Variants in DPP10 observed in about 807,000 individuals in gnomAD.
The protein encoded by DPP10 is dipeptidyl peptidase like 10, also known as inactive dipeptidyl peptidase 10.
In DPP10, 33 loss-of-function variants were observed where a neutral mutation model predicts 120.9. The ratio of observed to expected loss-of-function variants is 0.27; its 90% confidence interval spans 0.21 to 0.37. The LOEUF (loss-of-function observed/expected upper bound fraction) is 0.37. DPP10 is among the 10% of genes least tolerant of loss of function. The pLI is 1.00. For missense variants in DPP10, 816 were observed against 942.8 expected (o/e 0.87, Z 1.76); for synonymous variants, 337 against 326.1 (o/e 1.03, Z -0.36).
At chr2:115,340,526 T>C (rs1289929975) in intron 2 of DPP10, among the ~76,000 whole-genome samples, 3 of 151,954 alleles carry the variant, frequency 2.0e-5, no homozygotes, top group Non-Finnish European at 4.4e-5. Flanking sequence ...AAAATTTCTA[T>C]TTGAGTTGTA....
chr2:115,147,637 G>A (rs2051298509), intron 1 of DPP10, among the ~76,000 whole-genome samples: 1 of 152,114 alleles, frequency 6.6e-6, no homozygotes, highest in Non-Finnish European at 1.5e-5. Flanking sequence ...CAGAGTGGTA[G>A]AGTGGAAAGC....
intron 5 of DPP10, among the ~76,000 whole-genome samples, chr2:115,676,123 T>A (rs1375831456): frequency 6.6e-6 from 1 of 152,132 alleles, no homozygotes; most frequent in Non-Finnish European, 1.5e-5. Context: ...GCAATTACAT[T>A]TACTCCAGCA....
intron 1 of DPP10, among the ~76,000 whole-genome samples, chr2:114,581,411 C>T (rs1690515669): frequency 1.3e-5 from 2 of 151,940 alleles, no homozygotes; most frequent in Admixed American, 1.3e-4. Context: ...TCTCGACCTC[C>T]TGACCTGGTG....
At chr2:114,722,055 T>A (rs1041107396) in intron 1 of DPP10, among the ~76,000 whole-genome samples, 1 of 152,140 alleles carries the variant, frequency 6.6e-6, no homozygotes, top group African/African-American at 2.4e-5. Context: ...AATGCCAGTT[T>A]TTTCATTTAT....
chr2:115,666,438 A>G (rs991878052), intron 5 of DPP10, among the ~76,000 whole-genome samples: 2 of 151,930 alleles, frequency 1.3e-5, no homozygotes, highest in Admixed American at 1.3e-4. Context: ...GAAGAAAACC[A>G]CCCCCATGAT....
At chr2:115,258,068 A>G (rs1371596262) in intron 1 of DPP10, among the ~76,000 whole-genome samples, 1 of 152,224 alleles carries the variant, frequency 6.6e-6, no homozygotes, top group Non-Finnish European at 1.5e-5. Context: ...TTAAAACGTG[A>G]AAATATTTCT....
chr2:115,202,525 C>T (rs1482536067), intron 1 of DPP10, among the ~76,000 whole-genome samples: 1 of 152,158 alleles, frequency 6.6e-6, no homozygotes, highest in Non-Finnish European at 1.5e-5. Context: ...CTTGCCTCTA[C>T]TTTTCGAGGA....
At chr2:115,696,575 G>A (rs2091600920) in intron 7 of DPP10, among the ~76,000 whole-genome samples, 1 of 152,160 alleles carries the variant, frequency 6.6e-6, no homozygotes, top group Non-Finnish European at 1.5e-5. Flanking sequence ...ATTGACAAGA[G>A]TTACCACTAG....
intron 1 of DPP10, among the ~76,000 whole-genome samples, chr2:114,472,564 T>C (rs1210762921): frequency 6.6e-6 from 1 of 152,158 alleles, no homozygotes; most frequent in Non-Finnish European, 1.5e-5. Context: ...CCCAGAACTG[T>C]TCTCACCTTC....
intron 1 of DPP10, among the ~76,000 whole-genome samples, chr2:115,279,655 C>CTT (rs70941039): frequency 0.069 from 2,941 of 42,694 alleles, 931 homozygotes; most frequent in African/African-American, 0.11. Flanking sequence ...TTTTCTTCTT[C>CTT]TTTTTTTTTT....
chr2:114,981,368 G>A (rs1273524875), intron 1 of DPP10, among the ~76,000 whole-genome samples: 3 of 151,876 alleles, frequency 2.0e-5, no homozygotes, highest in African/African-American at 7.3e-5. Flanking sequence ...TGTGAAAAAT[G>A]TATCTTTTAC....
intron 1 of DPP10, among the ~76,000 whole-genome samples, chr2:114,884,548 C>A (rs560422229): frequency 6.6e-6 from 1 of 152,146 alleles, no homozygotes; most frequent in African/African-American, 2.4e-5. Context: ...CTGTCTCCCC[C>A]TTCCACGTTT....
intron 1 of DPP10, among the ~76,000 whole-genome samples, chr2:115,109,482 G>C (rs2049107177): frequency 6.6e-6 from 1 of 151,874 alleles, no homozygotes; most frequent in South Asian, 2.1e-4. Flanking sequence ...GTTGCAGTGA[G>C]CTGAGATTGC....
At chr2:115,823,992 G>A (rs144243278) in intron 21 of DPP10, among the ~76,000 whole-genome samples, 1 of 152,160 alleles carries the variant, frequency 6.6e-6, no homozygotes, top group African/African-American at 2.4e-5. Flanking sequence ...TGAATTTCCA[G>A]GTTCTGCTTT....
Position 115,814,997 on chromosome 2 carries a change from T to G in DPP10, c.1895+10T>G. 1 of 1,576,654 alleles carries G rather than the reference T, an allele frequency of 6.3e-7. No individual in the cohort carries two copies. The highest frequency in any genetic ancestry group is 8.7e-7 in the Non-Finnish European group (1 of 1,152,370). On this transcript the variant is annotated intron_variant, in intron 20 of 25. Transcript: ENST00000410059. ...AAATAACAGCTGTGAAGTAAGTGGATGCACATTTTTCTTCTCTGTTTTCTA... is the reference window on the plus strand; with the variant it reads ...AAATAACAGCTGTGAAGTAAGTGGAGGCACATTTTTCTTCTCTGTTTTCTA...
chr2:114,833,795 A>G (rs995385079), intron 1 of DPP10: 11 of 152,186 alleles, frequency 7.2e-5, no homozygotes, highest in African/African-American at 2.7e-4. Flanking sequence ...TAAGAATACA[A>G]TAAACTATAC....
chr2:115,355,680 G>C (rs530221252), intron 3 of DPP10, among the ~76,000 whole-genome samples: 2 of 151,978 alleles, frequency 1.3e-5, no homozygotes, highest in Non-Finnish European at 2.9e-5. Flanking sequence ...AGGGTTTTTA[G>C]TATGTTGGGT....
At chr2:114,800,416 C>A (rs2106277070) in intron 1 of DPP10, among the ~76,000 whole-genome samples, 1 of 152,254 alleles carries the variant, frequency 6.6e-6, no homozygotes, top group South Asian at 2.1e-4. Context: ...TTTTAATCAG[C>A]ATTCTGAATA....
At chr2:115,838,620 C>T (rs1689775741) in intron 24 of DPP10, among the ~76,000 whole-genome samples, 1 of 152,104 alleles carries the variant, frequency 6.6e-6, no homozygotes, top group Non-Finnish European at 1.5e-5. Flanking sequence ...TATATTAGTG[C>T]TATTTCAAAT....
Sources: gnomAD v4.1 joint callset for allele counts (sites outside exome capture counted in the v4.1 genomes callset) on GRCh38, gnomAD v4.1.1 for gene constraint, MANE v1.5 for transcripts, NCBI Gene and HGNC (gene_info 2026-07-23, HGNC 2026-07-21) for gene names.